CYP39A1: variants seen among roughly 807,000 people sequenced by gnomAD.
CYP39A1 encodes the protein cytochrome P450 family 39 subfamily A member 1, also known as 24-hydroxycholesterol 7-alpha-hydroxylase.
Under a neutral mutation model 58.1 loss-of-function variants are expected in CYP39A1, and 49 were observed. That is an observed-to-expected ratio of 0.84 (90% CI 0.67 to 1.07). The LOEUF is 1.07. CYP39A1 is among the 50% of genes least tolerant of loss of function. CYP39A1 has a pLI of 0.00. For missense variants in CYP39A1, 531 were observed against 539.4 expected, an observed-to-expected ratio of 0.98 and a Z score of 0.16; for synonymous variants, 209 against 187.6, an observed-to-expected ratio of 1.11 and a Z score of -0.93.
At chr6:46,564,153 C>T (rs806499) in intron 10 of CYP39A1, among the ~76,000 whole-genome samples, 22,436 of 137,762 alleles carry the variant, frequency 0.16, 4,573 homozygotes, top group African/African-American at 0.46. Flanking sequence ...CTATTTTATT[C>T]TATTTTATTC....
At chr6:46,618,963 C>T (rs1774788160) in intron 7 of CYP39A1, among the ~76,000 whole-genome samples, 1 of 152,064 alleles carries the variant, frequency 6.6e-6, no homozygotes, top group South Asian at 2.1e-4. Context: ...CTGCCTTAAT[C>T]ATCTCAGGGC....
At chr6:46,607,727 A>C (rs1773934687) in intron 7 of CYP39A1, among the ~76,000 whole-genome samples, 1 of 152,138 alleles carries the variant, frequency 6.6e-6, no homozygotes, top group African/African-American at 2.4e-5. Flanking sequence ...TACTGAGGAA[A>C]CCCCTGTGCT....
At chr6:46,600,872 C>T (rs182229800) in intron 7 of CYP39A1, among the ~76,000 whole-genome samples, 4 of 152,188 alleles carry the variant, frequency 2.6e-5, no homozygotes, top group African/African-American at 4.8e-5. Context: ...AACAAATTAT[C>T]GAATCTAGAG....
In CYP39A1 at chr6:46,607,492, T is replaced by C. The variant is rs945181406; in HGVS notation, c.932-11372A>G. Among the ~76,000 whole-genome samples, 10 of 143,528 alleles carry C rather than the reference T, an allele frequency of 7.0e-5. No homozygotes were observed. The South Asian group carries it at 1.1e-3, about 16-fold the overall frequency. 94.2% of individuals were successfully genotyped at this position (143,528 alleles called of 152,430 possible). A position where few individuals can be genotyped will look rare whatever the true frequency, so the allele number is the denominator to read the frequency against. On this transcript the variant is annotated intron_variant, in intron 7 of 11. Coordinates refer to ENST00000275016, the MANE Select transcript of CYP39A1 (RefSeq NM_016593.5). ...ACACACACACACACACACACACACA[T>C]GCATACATGCAGACATAGTAAGTAA... is the stretch of plus-strand genomic sequence containing the variant.
chr6:46,563,387 CT>C (rs967924172), intron 10 of CYP39A1, among the ~76,000 whole-genome samples: 3 of 152,104 alleles, frequency 2.0e-5, no homozygotes, highest in Non-Finnish European at 2.9e-5. Flanking sequence ...ATCTTTTACA[CT>C]TACAAGAACA....
chr6:46,580,736 G>A (rs1230869403), intron 10 of CYP39A1, among the ~76,000 whole-genome samples: 1 of 152,028 alleles, frequency 6.6e-6, no homozygotes, highest in Non-Finnish European at 1.5e-5. Flanking sequence ...TGGGAAACAA[G>A]TATATAAAAA....
At chr6:46,630,190 T>C (rs1052274752) in intron 6 of CYP39A1, among the ~76,000 whole-genome samples, 5 of 152,044 alleles carry the variant, frequency 3.3e-5, no homozygotes, top group African/African-American at 1.2e-4. Context: ...TGTTGAAAGT[T>C]CCAATTTCAC....
intron 10 of CYP39A1, among the ~76,000 whole-genome samples, chr6:46,574,575 T>C (rs1366667958): frequency 6.6e-6 from 1 of 152,166 alleles, no homozygotes; most frequent in Non-Finnish European, 1.5e-5. Context: ...TTTTGAACAT[T>C]AGAGATACCT....
chr6:46,633,848 C>G (rs138288491), intron 5 of CYP39A1, among the ~76,000 whole-genome samples: 4,013 of 151,864 alleles, frequency 0.026, 77 homozygotes, highest in Non-Finnish European at 0.044. Flanking sequence ...CAGAGCAAGA[C>G]TCCATCTCAA....
rs545545898 is a variant in CYP39A1 at position 46,593,878 on chromosome 6, A to G, written c.1065+2109T>C. ...GAGAATTTCCTCCTACTTTGTCCATAGAAAATCCTCTCACCTTCACTCAGC... is the reference window on the plus strand; with the variant it reads ...GAGAATTTCCTCCTACTTTGTCCATGGAAAATCCTCTCACCTTCACTCAGC... On this transcript the variant is annotated intron_variant, in intron 8 of 11. Transcript: ENST00000275016. 7.2e-5 allele frequency among the ~76,000 whole-genome samples: 11 copies of G among 152,290 alleles called. No homozygotes were observed. In the South Asian group the frequency reaches 2.1e-3, roughly 29 times the overall value.
chr6:46,553,123 C>T (rs548638566), intron 11 of CYP39A1, among the ~76,000 whole-genome samples: 20 of 151,790 alleles, frequency 1.3e-4, no homozygotes, highest in African/African-American at 4.6e-4. Flanking sequence ...GTAGCCCCTC[C>T]CCTGTTCCTA....
chr6:46,579,577 T>C (rs546995092), intron 10 of CYP39A1, among the ~76,000 whole-genome samples: 3 of 152,220 alleles, frequency 2.0e-5, no homozygotes, highest in African/African-American at 7.2e-5. Flanking sequence ...CTATCTCTCT[T>C]CACAAACGAT....
At chr6:46,588,211 AT>A in intron 8 of CYP39A1, 82 bp from the exon 9 acceptor site, 1 of 710,678 alleles carries the variant, frequency 1.4e-6, no homozygotes. Context: ...TGATGCTACA[AT>A]TATATTGTGG....
intron 7 of CYP39A1, among the ~76,000 whole-genome samples, chr6:46,613,415 C>A (rs1016662174): frequency 2.0e-5 from 3 of 152,202 alleles, no homozygotes; most frequent in African/African-American, 7.2e-5. Flanking sequence ...ACTGCTAACT[C>A]TCTAATCCAA....
chr6:46,591,057 A>G (rs1178315221), intron 8 of CYP39A1, among the ~76,000 whole-genome samples: 1 of 152,180 alleles, frequency 6.6e-6, no homozygotes, highest in African/African-American at 2.4e-5. Flanking sequence ...AAGGCTATAA[A>G]TGCATGTTAT....
At chr6:46,553,006 C>G (rs748388828) in intron 11 of CYP39A1, among the ~76,000 whole-genome samples, 15 of 150,526 alleles carry the variant, frequency 1.0e-4, no homozygotes, top group Non-Finnish European at 1.6e-4. Context: ...TGAGATTGTG[C>G]CACTGAACTC....
intron 7 of CYP39A1, among the ~76,000 whole-genome samples, chr6:46,623,604 T>A (rs984344961): frequency 2.0e-5 from 3 of 152,184 alleles, no homozygotes; most frequent in Non-Finnish European, 4.4e-5. Flanking sequence ...GCCAATTTTT[T>A]ATAATAAATG....
intron 7 of CYP39A1, among the ~76,000 whole-genome samples, chr6:46,624,461 C>T (rs997412529): frequency 5.9e-5 from 9 of 152,012 alleles, no homozygotes; most frequent in African/African-American, 2.2e-4. Flanking sequence ...CTATAAGGTC[C>T]AGCATCTGCT....
chr6:46,605,340 G>A (rs1351332204), intron 7 of CYP39A1, among the ~76,000 whole-genome samples: 1 of 152,160 alleles, frequency 6.6e-6, no homozygotes, highest in African/African-American at 2.4e-5. Flanking sequence ...TCCAAGAAGA[G>A]AGAGGGCCCA....
Sources: gnomAD v4.1 joint callset for allele counts (sites outside exome capture counted in the v4.1 genomes callset) on GRCh38, gnomAD v4.1.1 for gene constraint, MANE v1.5 for transcripts, NCBI Gene and HGNC (gene_info 2026-07-23, HGNC 2026-07-21) for gene names.